Variants in SHANK2 observed in about 807,000 individuals in gnomAD.
The protein encoded by SHANK2 is SH3 and multiple ankyrin repeat domains 2.
In SHANK2, 43 loss-of-function variants were observed where a neutral mutation model predicts 133.7. That is an observed-to-expected ratio of 0.32 (90% CI 0.25 to 0.41). The LOEUF is 0.41. SHANK2 is among the 10% of genes least tolerant of loss of function. SHANK2 has a pLI of 1.00. For synonymous variants in SHANK2, 1,017 were observed against 952.8 expected, an observed-to-expected ratio of 1.07 and a Z score of -1.24; for missense variants, 1,994 against 2,235.8, an observed-to-expected ratio of 0.89 and a Z score of 2.18.
chr11:70,659,958 A>G lies in SHANK2; in HGVS notation c.1937-6T>C, dbSNP rs1555012826. On this transcript the variant is annotated splice_region_variant and splice_polypyrimidine_tract_variant and intron_variant, in intron 16 of 25. Coordinates refer to ENST00000601538, the MANE Select transcript of SHANK2 (RefSeq NM_012309.5). ...TTCTTCAATGGGTGTGTCAGCTGGG[A>G]AGACAAGCAGCACCTGGTTACAAGC... 6.2e-7 allele frequency: 1 copy of G among 1,614,050 alleles called. No homozygotes were observed. Among genetic ancestry groups the G allele is most frequent in the Non-Finnish European group, 8.5e-7 (1 of 1,180,040 alleles).
chr11:70,838,408 A>G (rs1948855909), intron 11 of SHANK2, among the ~76,000 whole-genome samples: 1 of 152,198 alleles, frequency 6.6e-6, no homozygotes, highest in South Asian at 2.1e-4. Flanking sequence ...TGTGTTTGTT[A>G]TGTCGGAGAG....
At chr11:70,871,142 T>G (rs1461623529) in intron 11 of SHANK2, among the ~76,000 whole-genome samples, 1 of 152,198 alleles carries the variant, frequency 6.6e-6, no homozygotes, top group Non-Finnish European at 1.5e-5. Context: ...TGACCTCATT[T>G]TCAGCTGATG....
intron 15 of SHANK2, among the ~76,000 whole-genome samples, chr11:70,687,272 G>A (rs1945176682): frequency 6.6e-6 from 1 of 152,234 alleles, no homozygotes; most frequent in Non-Finnish European, 1.5e-5. Flanking sequence ...GAACTCCCAG[G>A]CCTAGGCCTA....
intron 10 of SHANK2, among the ~76,000 whole-genome samples, chr11:70,945,216 C>A (rs1401634979): frequency 6.6e-6 from 1 of 152,080 alleles, no homozygotes; most frequent in East Asian, 1.9e-4. Context: ...GGGAGATGAA[C>A]CATAAGATCC....
chr11:70,760,573 G>A (rs969997526), intron 14 of SHANK2, among the ~76,000 whole-genome samples: 4 of 152,214 alleles, frequency 2.6e-5, no homozygotes, highest in African/African-American at 4.8e-5. Flanking sequence ...AAGTTAGGAC[G>A]CATACTGGTC....
chr11:70,571,140 C>G (rs1193189895), intron 17 of SHANK2, among the ~76,000 whole-genome samples: 1 of 152,184 alleles, frequency 6.6e-6, no homozygotes, highest in Admixed American at 6.5e-5. Context: ...CCCCCACTCC[C>G]TGGAGGTCAG....
chr11:70,556,856 T>C (rs1436779975), intron 17 of SHANK2, among the ~76,000 whole-genome samples: 1 of 152,090 alleles, frequency 6.6e-6, no homozygotes, highest in Admixed American at 6.5e-5. Flanking sequence ...CCTCCTAAAG[T>C]GAGCCATCGC....
chr11:71,187,772 G>A (rs1555114712), intron 2 of SHANK2, among the ~76,000 whole-genome samples: 1 of 152,206 alleles, frequency 6.6e-6, no homozygotes, highest in South Asian at 2.1e-4. Flanking sequence ...TAAGATGTTT[G>A]TACTGCGAGC....
rs552147063 is a variant in SHANK2 at position 70,844,489 on chromosome 11, T to C, written c.1175-23807A>G. ...GCACAAACTCACTGGAACCATGGGGTTTGGGGCCGCAGTGGAGGAGTTGGA... is the reference window on the plus strand; with the variant it reads ...GCACAAACTCACTGGAACCATGGGGCTTGGGGCCGCAGTGGAGGAGTTGGA... On this transcript the variant is annotated intron_variant, in intron 11 of 25. Transcript: ENST00000601538. Among the ~76,000 whole-genome samples the C allele has an allele frequency of 2.0e-5, 3 of 152,224 alleles. No individual in the cohort carries two copies. In the East Asian group the frequency reaches 5.8e-4, roughly 29 times the overall value.
At position 70,618,882 on chromosome 11, in the gene SHANK2, A is replaced by G. The variant is rs552658650; in HGVS notation, c.2061+40946T>C. Among the ~76,000 whole-genome samples the G allele has an allele frequency of 4.6e-5, 7 of 152,254 alleles. No homozygotes were observed. In the East Asian group the frequency reaches 1.4e-3, roughly 29 times the overall value. On this transcript the variant is annotated intron_variant, in intron 17 of 25. Coordinates refer to ENST00000601538, the MANE Select transcript of SHANK2 (RefSeq NM_012309.5). The stretch of plus-strand genomic sequence containing the variant: ...GTGTTAAAATGGAACAAATCCAGCA[A>G]CCCTGAGAGGCGTATCCAGGGCAGG...
intron 10 of SHANK2, among the ~76,000 whole-genome samples, chr11:70,914,135 GC>G (rs1950235148): frequency 6.6e-6 from 1 of 152,164 alleles, no homozygotes; most frequent in Non-Finnish European, 1.5e-5. Flanking sequence ...CACTGCCACT[GC>G]AGCATCTTGT....
At chr11:71,169,478 G>A (rs56291131) in intron 2 of SHANK2, among the ~76,000 whole-genome samples, 37,932 of 152,106 alleles carry the variant, frequency 0.25, 5,183 homozygotes, top group African/African-American at 0.35. Context: ...AGCTGGGTGC[G>A]GTGGCTCACG....
At chr11:70,886,940 C>G (rs60548486) in intron 11 of SHANK2, among the ~76,000 whole-genome samples, 1 of 152,122 alleles carries the variant, frequency 6.6e-6, no homozygotes, top group Non-Finnish European at 1.5e-5. Flanking sequence ...TCCATAGCTG[C>G]GGAAGGACAA....
At chr11:70,767,019 G>A (rs979829859) in intron 14 of SHANK2, among the ~76,000 whole-genome samples, 8 of 152,244 alleles carry the variant, frequency 5.3e-5, no homozygotes, top group Non-Finnish European at 5.9e-5. Context: ...CCTACTGTGT[G>A]CCAGGCACGG....
At chr11:70,908,808 C>A (rs1456603896) in intron 10 of SHANK2, among the ~76,000 whole-genome samples, 1 of 152,184 alleles carries the variant, frequency 6.6e-6, no homozygotes, top group Non-Finnish European at 1.5e-5. Context: ...CTGACCTAAT[C>A]AACATCAACG....
intron 11 of SHANK2, among the ~76,000 whole-genome samples, chr11:70,828,572 C>T (rs528861401): frequency 6.6e-6 from 1 of 152,350 alleles, no homozygotes; most frequent in African/African-American, 2.4e-5. Flanking sequence ...CAAAGCTTTC[C>T]CCCACTTCGG....
At chr11:70,847,224 G>A (rs1385987622) in intron 11 of SHANK2, among the ~76,000 whole-genome samples, 2 of 152,164 alleles carry the variant, frequency 1.3e-5, no homozygotes, top group Non-Finnish European at 2.9e-5. Flanking sequence ...CTCAGCTATG[G>A]AGTCCCACCA....
In SHANK2 at chr11:70,881,598, A is replaced by G. The variant is rs945060550; in HGVS notation, c.1174+14903T>C. Among the ~76,000 whole-genome samples, 145 of 148,484 alleles carry G rather than the reference A, an allele frequency of 9.8e-4. 1 individual carries two copies. The highest frequency in any genetic ancestry group is 3.5e-3 in the African/African-American group (140 of 40,450). On this transcript the variant is annotated intron_variant, in intron 11 of 25. Coordinates refer to ENST00000601538, the MANE Select transcript of SHANK2 (RefSeq NM_012309.5). ...ATTAATAATAATAATAATAATAATA[A>G]TAGTAAACTCCAGGGGGCTTGGATT...
intron 2 of SHANK2, among the ~76,000 whole-genome samples, chr11:71,151,371 G>A (rs1952794635): frequency 6.6e-6 from 1 of 152,152 alleles, no homozygotes; most frequent in Non-Finnish European, 1.5e-5. Flanking sequence ...GGGGTGCACT[G>A]GAACCATGTC....
Sources: gnomAD v4.1 joint callset for allele counts (sites outside exome capture counted in the v4.1 genomes callset) on GRCh38, gnomAD v4.1.1 for gene constraint, MANE v1.5 for transcripts, NCBI Gene and HGNC (gene_info 2026-07-23, HGNC 2026-07-21) for gene names.